SOX6: variants seen among roughly 807,000 people sequenced by gnomAD.
The protein encoded by SOX6 is transcription factor SOX-6.
Under a neutral mutation model 97.8 loss-of-function variants are expected in SOX6, and 11 were observed. The ratio of observed to expected loss-of-function variants is 0.11; its 90% CI spans 0.07 to 0.19. SOX6 has a LOEUF of 0.19. Ranked by LOEUF, SOX6 falls within the 10% of genes least tolerant of loss-of-function variation. The pLI is 1.00. For synonymous variants in SOX6, 360 were observed against 371.4 expected (o/e 0.97, Z 0.35); for missense variants, 810 against 1,039.5 (o/e 0.78, Z 3.04).
At chr11:16,630,137 G>C (rs1268534661) in intron 3 of SOX6, among the ~76,000 whole-genome samples, 1 of 151,890 alleles carries the variant, frequency 6.6e-6, no homozygotes, top group Non-Finnish European at 1.5e-5. Context: ...TAGCTTTGGG[G>C]TTAGTTTGTT....
At chr11:16,367,189 T>G (rs1174887086) in intron 1 of SOX6, among the ~76,000 whole-genome samples, 1 of 152,164 alleles carries the variant, frequency 6.6e-6, no homozygotes, top group Admixed American at 6.6e-5. Flanking sequence ...AATTTTGGTT[T>G]TGTTCTGTTT....
intron 3 of SOX6, among the ~76,000 whole-genome samples, chr11:16,689,577 A>G (rs1847996771): frequency 6.6e-6 from 1 of 152,248 alleles, no homozygotes; most frequent in African/African-American, 2.4e-5. Flanking sequence ...AGAACCAGAC[A>G]CTAATGTCTT....
At chr11:16,494,762 T>C (rs1333688447) in intron 4 of SOX6, among the ~76,000 whole-genome samples, 2 of 151,966 alleles carry the variant, frequency 1.3e-5, no homozygotes, top group East Asian at 3.9e-4. Context: ...ATAGGGAAAA[T>C]GGAAGTGAAA....
intron 4 of SOX6, among the ~76,000 whole-genome samples, chr11:16,566,079 G>C (rs376383130): frequency 2.1e-5 from 3 of 141,134 alleles, no homozygotes; most frequent in Non-Finnish European, 4.5e-5. Flanking sequence ...CTAGGTGACA[G>C]AGCGAGACTC....
chr11:15,972,655 G>A lies in SOX6; in HGVS notation c.*154C>T. 1 of 781,794 alleles carries A rather than the reference G, an allele frequency of 1.3e-6. No homozygotes were observed. Among genetic ancestry groups the A allele is most frequent in the Non-Finnish European group, 2.0e-6 (1 of 492,240 alleles). The allele number at this position is 781,794 out of a possible 1,614,324, so 48.4% of individuals were successfully genotyped here. On this transcript the variant is annotated 3_prime_UTR_variant, in exon 16 of 16. Transcript: ENST00000683767. Reference sequence around the variant, plus strand: ...AAAACTCAAGTTCATGAAAAATCAGGGAAAACTTAATCTGTCTCACACTTT... The same window carrying A: ...AAAACTCAAGTTCATGAAAAATCAGAGAAAACTTAATCTGTCTCACACTTT...
intron 4 of SOX6, among the ~76,000 whole-genome samples, chr11:16,229,466 CAGA>C (rs1371517477): frequency 1.3e-5 from 2 of 151,762 alleles, no homozygotes; most frequent in African/African-American, 4.8e-5. Flanking sequence ...TGAAAAGCAG[CAGA>C]ATTGACAAAT....
chr11:16,107,417 A>G (rs865800097), intron 7 of SOX6, among the ~76,000 whole-genome samples: 1 of 143,122 alleles, frequency 7.0e-6, no homozygotes, highest in African/African-American at 2.7e-5. Context: ...ATATATATAT[A>G]CATATATATA....
chr11:16,050,378 C>A (rs919781421), intron 10 of SOX6, among the ~76,000 whole-genome samples: 1 of 152,130 alleles, frequency 6.6e-6, no homozygotes, highest in African/African-American at 2.4e-5. Flanking sequence ...CAAACAATTG[C>A]AAGCACTTTA....
At chr11:16,661,698 T>G (rs1847767200) in intron 3 of SOX6, among the ~76,000 whole-genome samples, 1 of 152,010 alleles carries the variant, frequency 6.6e-6, no homozygotes, top group African/African-American at 2.4e-5. Context: ...CAGGCACAAG[T>G]CACTAAGTGC....
chr11:16,045,625 G>A (rs752915903), intron 12 of SOX6, among the ~76,000 whole-genome samples: 23 of 152,040 alleles, frequency 1.5e-4, no homozygotes, highest in Non-Finnish European at 2.5e-4. Flanking sequence ...CGGCTGTGTC[G>A]TCTCTTGTGC....
intron 3 of SOX6, among the ~76,000 whole-genome samples, chr11:16,640,885 AG>A (rs1209871589): frequency 2.6e-5 from 4 of 152,018 alleles, no homozygotes; most frequent in Admixed American, 1.3e-4. Flanking sequence ...TGATTTTTTA[AG>A]GGTTTTTTGT....
chr11:16,673,329 T>G (rs1203397197), intron 3 of SOX6, among the ~76,000 whole-genome samples: 1 of 151,728 alleles, frequency 6.6e-6, no homozygotes, highest in African/African-American at 2.4e-5. Context: ...GTTGTCTTTT[T>G]GAAAATATAA....
intron 2 of SOX6, among the ~76,000 whole-genome samples, chr11:16,338,549 G>A (rs2134336563): frequency 6.6e-6 from 1 of 152,056 alleles, no homozygotes; most frequent in Admixed American, 6.6e-5. Flanking sequence ...TCCAAATGCA[G>A]CTGCTATTTC....
At chr11:16,247,666 G>C (rs1329166734) in intron 3 of SOX6, among the ~76,000 whole-genome samples, 1 of 152,058 alleles carries the variant, frequency 6.6e-6, no homozygotes, top group African/African-American at 2.4e-5. Flanking sequence ...GAATAGCATG[G>C]GGTAAACCAC....
intron 4 of SOX6, among the ~76,000 whole-genome samples, chr11:16,611,763 T>C (rs1848401077): frequency 6.6e-6 from 1 of 152,212 alleles, no homozygotes; most frequent in South Asian, 2.1e-4. Flanking sequence ...CAAGGCATTG[T>C]CCCTCGACTT....
chr11:16,727,400 T>A (rs752422145), intron 2 of SOX6, among the ~76,000 whole-genome samples: 8 of 151,310 alleles, frequency 5.3e-5, no homozygotes, highest in Non-Finnish European at 1.2e-4. Context: ...TAACATAATT[T>A]ATTTAGCCAG....
At chr11:16,515,329 G>A (rs1274610663) in intron 4 of SOX6, among the ~76,000 whole-genome samples, 24 of 150,510 alleles carry the variant, frequency 1.6e-4, no homozygotes, top group Middle Eastern at 3.4e-3. Context: ...GTGTTTTTTG[G>A]CTGCATAAAT....
intron 1 of SOX6, among the ~76,000 whole-genome samples, chr11:16,364,652 A>G (rs1857302671): frequency 6.6e-6 from 1 of 152,184 alleles, no homozygotes; most frequent in Non-Finnish European, 1.5e-5. Flanking sequence ...GCAAATGGTC[A>G]TAACATCAAT....
At chr11:16,536,887 A>G (rs998820208) in intron 4 of SOX6, among the ~76,000 whole-genome samples, 13 of 152,250 alleles carry the variant, frequency 8.5e-5, no homozygotes, top group Non-Finnish European at 1.8e-4. Context: ...TAGCTGAACA[A>G]AAGGCAGCAG....
Sources: gnomAD v4.1 joint callset for allele counts (sites outside exome capture counted in the v4.1 genomes callset) on GRCh38, gnomAD v4.1.1 for gene constraint, MANE v1.5 for transcripts, NCBI Gene and HGNC (gene_info 2026-07-23, HGNC 2026-07-21) for gene names.